Variants in ELP3 observed in about 807,000 individuals in gnomAD.
The protein encoded by ELP3 is elongator acetyltransferase complex subunit 3, also known as elongator complex protein 3.
In ELP3, 56 loss-of-function variants were observed where a neutral mutation model predicts 74.9. The ratio of observed to expected loss-of-function variants is 0.75; its 90% confidence interval spans 0.60 to 0.93. The LOEUF is 0.93. Ranked by LOEUF, ELP3 falls within the 40% of genes least tolerant of loss-of-function variation. ELP3 has a pLI of 0.00. For synonymous variants in ELP3, 222 were observed against 239.8 expected, an observed-to-expected ratio of 0.93 and a Z score of 0.68; for missense variants, 573 against 686.5, an observed-to-expected ratio of 0.83 and a Z score of 1.85.
Position 28,110,384 on chromosome 8 carries a change from A to G in ELP3, c.408A>G (p.Arg136=). 6.2e-7 allele frequency: 1 copy of G among 1,613,784 alleles called. No individual in the cohort carries two copies. ...SYTGYEPTSM[R]AIRARYDPFL... Reference sequence around the variant, plus strand: ...TTCTCTTCTAGCCAACCTCCATGAGAGCTATCCGTGCCAGATATGACCCTT... The same window carrying G: ...TTCTCTTCTAGCCAACCTCCATGAGGGCTATCCGTGCCAGATATGACCCTT... Residue 136 remains arginine (R), a synonymous_variant, in exon 6 of 15, where the codon AGA becomes AGG. Transcript: ENST00000256398.
intron 10 of ELP3, among the ~76,000 whole-genome samples, chr8:28,143,697 T>C (rs898776106): frequency 4.6e-5 from 7 of 152,242 alleles, no homozygotes; most frequent in Non-Finnish European, 1.0e-4. Flanking sequence ...CTTTTTTAAA[T>C]GTAATTATCC....
Position 28,190,743 on chromosome 8 carries a change from A to AGAT in ELP3, c.*1020_*1022dup, listed in dbSNP as rs1383062583. Reference sequence around the variant, plus strand: ...CTGCTAATTTTTGTATTTTTAGTAGAGATGGGGGTTTCACCATATTGGTCA... The same window carrying AGAT: ...CTGCTAATTTTTGTATTTTTAGTAGAGATGATGGGGGTTTCACCATATTGGTCA... On this transcript the variant is annotated 3_prime_UTR_variant, in exon 15 of 15. Transcript: ENST00000256398. 1 of 152,074 alleles carries AGAT rather than the reference A, an allele frequency of 6.6e-6. No individual in the cohort carries two copies. Among genetic ancestry groups the AGAT allele is most frequent in the South Asian group, 2.1e-4 (1 of 4,824 alleles). 9.4% of individuals were successfully genotyped at this position (152,074 alleles called of 1,614,324 possible).
intron 10 of ELP3, among the ~76,000 whole-genome samples, chr8:28,154,566 T>C (rs904993640): frequency 1.3e-5 from 2 of 152,138 alleles, no homozygotes; most frequent in African/African-American, 4.8e-5. Context: ...TGTGAGTTCT[T>C]TATAAATTAT....
intron 10 of ELP3, among the ~76,000 whole-genome samples, chr8:28,143,000 A>C (rs1211122325): frequency 1.3e-5 from 2 of 152,148 alleles, no homozygotes; most frequent in South Asian, 2.1e-4. Context: ...TATTACTCTG[A>C]CTGCCTGCGT....
chr8:28,113,210 G>A (rs1342905229), intron 7 of ELP3, 37 bp downstream of exon 7: 1 of 1,585,598 alleles, frequency 6.3e-7, no homozygotes, highest in Non-Finnish European at 8.6e-7. Flanking sequence ...CTCCAGAGTG[G>A]TTGTCAGTTT....
chr8:28,103,853 C>A (rs1811584759), intron 3 of ELP3, among the ~76,000 whole-genome samples: 1 of 152,162 alleles, frequency 6.6e-6, no homozygotes, highest in African/African-American at 2.4e-5. Context: ...CCTCAGCCTC[C>A]CAAGTAACTG....
chr8:28,185,662 T>C (rs1027883401), intron 14 of ELP3, among the ~76,000 whole-genome samples: 1 of 152,084 alleles, frequency 6.6e-6, no homozygotes, highest in Non-Finnish European at 1.5e-5. Context: ...GGAGGGTGGC[T>C]GGGAGGGCCT....
upstream of ELP3, chr8:28,092,833 C>A (rs912310811): frequency 1.8e-5 from 5 of 270,300 alleles, no homozygotes; most frequent in East Asian, 1.3e-4. Context: ...CCCACTCCCC[C>A]CCATGAGAGA....
intron 7 of ELP3, among the ~76,000 whole-genome samples, chr8:28,124,701 T>C (rs574636347): frequency 1.3e-5 from 2 of 152,144 alleles, no homozygotes; most frequent in Admixed American, 1.3e-4. Flanking sequence ...TTGTCAGCCA[T>C]GAAAAAAATC....
At chr8:28,169,842 T>C (rs1334634264) in intron 14 of ELP3, among the ~76,000 whole-genome samples, 3 of 152,108 alleles carry the variant, frequency 2.0e-5, no homozygotes, top group Non-Finnish European at 2.9e-5. Context: ...CTGTGCACTT[T>C]TTGGCAGGCA....
At chr8:28,182,962 G>T (rs1815078906) in intron 14 of ELP3, among the ~76,000 whole-genome samples, 1 of 152,156 alleles carries the variant, frequency 6.6e-6, no homozygotes, top group Non-Finnish European at 1.5e-5. Context: ...GCCAGCCTTG[G>T]AGCAGTAGCC....
At chr8:28,102,096 G>A (rs35385733) in intron 3 of ELP3, among the ~76,000 whole-genome samples, 20,642 of 152,094 alleles carry the variant, frequency 0.14, 1,833 homozygotes, top group South Asian at 0.26. Flanking sequence ...TGGGCTCATT[G>A]TGTTTGGTAT....
intron 7 of ELP3, among the ~76,000 whole-genome samples, chr8:28,116,510 C>T (rs988790010): frequency 2.0e-5 from 3 of 152,286 alleles, no homozygotes; most frequent in Middle Eastern, 3.4e-3. Flanking sequence ...GAGGCCAAGG[C>T]GGGCAGATAG....
intron 11 of ELP3, 41 bp from the exon 12 acceptor site, chr8:28,158,527 T>C: frequency 1.6e-6 from 2 of 1,213,180 alleles, no homozygotes; most frequent in Non-Finnish European, 1.2e-6. Flanking sequence ...TTTGTACCCC[T>C]CCCACCCCCC....
upstream of ELP3, chr8:28,093,056 G>A (rs1811103005): frequency 1.7e-6 from 2 of 1,194,670 alleles, no homozygotes; most frequent in Non-Finnish European, 1.2e-6. Flanking sequence ...CACGGGGCGG[G>A]GCGTGGCTTT....
intron 14 of ELP3, among the ~76,000 whole-genome samples, chr8:28,182,017 G>A (rs554478101): frequency 1.3e-5 from 2 of 152,288 alleles, no homozygotes; most frequent in South Asian, 2.1e-4. Flanking sequence ...TAGCACTTAG[G>A]TTCATTTCCT....
chr8:28,136,518 C>G (rs993000447), intron 9 of ELP3, among the ~76,000 whole-genome samples: 5 of 152,082 alleles, frequency 3.3e-5, no homozygotes, highest in African/African-American at 1.2e-4. Flanking sequence ...TATTAAAGAC[C>G]TGATGATTCT....
intron 7 of ELP3, among the ~76,000 whole-genome samples, chr8:28,127,647 C>G (rs963882203): frequency 6.6e-6 from 1 of 152,096 alleles, no homozygotes; most frequent in Non-Finnish European, 1.5e-5. Context: ...TGCCTTAGTA[C>G]CCACCTGTTT....
rs961117408 is a variant in ELP3 at position 28,144,751 on chromosome 8, G to A, written c.1100+6860G>A. On this transcript the variant is annotated intron_variant, in intron 10 of 14. Transcript: ENST00000256398. ...TGTCTAGACTTTTAGAAAGAAACTT[G>A]TATCAGGCTGGGCGTGGTGGCTCAC... is the stretch of plus-strand genomic sequence containing the variant. Among the ~76,000 whole-genome samples the A allele has an allele frequency of 4.6e-5, 7 of 152,162 alleles. No individual in the cohort carries two copies. In the South Asian group the frequency reaches 1.4e-3, roughly 31 times the overall value.
Sources: gnomAD v4.1 joint callset for allele counts (sites outside exome capture counted in the v4.1 genomes callset) on GRCh38, gnomAD v4.1.1 for gene constraint, MANE v1.5 for transcripts, NCBI Gene and HGNC (gene_info 2026-07-23, HGNC 2026-07-21) for gene names.